YWHAQ: variants seen among roughly 807,000 people sequenced by gnomAD.
YWHAQ encodes the protein tyrosine 3-monooxygenase/tryptophan 5-monooxygenase activation protein theta.
YWHAQ carries 6 observed loss-of-function variants against 28.3 expected under a neutral mutation model. The observed-to-expected ratio is 0.21, with a 90% CI of 0.12 to 0.42. The LOEUF is 0.42. Ranked by LOEUF, YWHAQ falls within the 10% of genes least tolerant of loss-of-function variation. YWHAQ has a pLI of 1.00. For synonymous variants in YWHAQ, 143 were observed against 119.1 expected, an observed-to-expected ratio of 1.20 and a Z score of -1.31; for missense variants, 201 against 305.6, an observed-to-expected ratio of 0.66 and a Z score of 2.55.
chr2:9,591,626 A>C, intron 2 of YWHAQ, 111 bp from the exon 3 acceptor site: 1 of 1,355,378 alleles, frequency 7.4e-7, no homozygotes, highest in Non-Finnish European at 1.0e-6. Flanking sequence ...CTACTACAGT[A>C]ATACTATACC....
intron 4 of YWHAQ, 50 bp from the exon 5 acceptor site, chr2:9,587,559 G>T (rs755687304): frequency 2.0e-6 from 3 of 1,497,592 alleles, no homozygotes; most frequent in Non-Finnish European, 1.8e-6. Flanking sequence ...ACGAAAACTG[G>T]TTATTCTACA....
At chr2:9,589,826 G>GT (rs1326883854) in intron 3 of YWHAQ, among the ~76,000 whole-genome samples, 1 of 152,138 alleles carries the variant, frequency 6.6e-6, no homozygotes, top group Non-Finnish European at 1.5e-5. Flanking sequence ...AAAATGTTCA[G>GT]TATTACCAAC....
chr2:9,598,046 C>T (rs1199049624), intron 2 of YWHAQ, among the ~76,000 whole-genome samples: 1 of 127,852 alleles, frequency 7.8e-6, no homozygotes, highest in Non-Finnish European at 1.6e-5. Context: ...GTTGGTCAGG[C>T]TGGTCTCAAA....
At chr2:9,588,874 G>T (rs975698188) in intron 3 of YWHAQ, among the ~76,000 whole-genome samples, 2 of 152,202 alleles carry the variant, frequency 1.3e-5, no homozygotes, top group African/African-American at 4.8e-5. Context: ...TTGGGAAGGT[G>T]AGGCAGGGGG....
chr2:9,591,398 G>T lies in YWHAQ; in HGVS notation c.412C>A (p.Arg138=). ...YLAEVACGDD[R]KQTIDNSQGA... is the part of the protein sequence containing the mutation. The stretch of plus-strand genomic sequence containing the variant: ...ATATAACAAATAAACTTACGTTTTC[G>T]ATCATCACCACACGCAACTTCAGCA... The change falls in exon 3 of 6, where the codon CGA becomes AGA. Residue 138 remains arginine, a synonymous_variant. Coordinates refer to ENST00000238081, the MANE Select transcript of YWHAQ (RefSeq NM_006826.4). 1 of 1,606,486 alleles carries T rather than the reference G, an allele frequency of 6.2e-7. No individual in the cohort carries two copies. Among genetic ancestry groups the T allele is most frequent in the Non-Finnish European group, 8.5e-7 (1 of 1,174,978 alleles).
intron 4 of YWHAQ, 148 bp downstream of exon 4, chr2:9,588,017 A>C: frequency 9.6e-5 from 85 of 884,456 alleles, no homozygotes; most frequent in Non-Finnish European, 1.3e-4. Flanking sequence ...AGGAGTAGGT[A>C]ATCATGATGG....
intron 2 of YWHAQ, among the ~76,000 whole-genome samples, chr2:9,598,714 A>AT (rs943230339): frequency 1.7e-4 from 26 of 152,324 alleles, no homozygotes; most frequent in African/African-American, 5.8e-4. Flanking sequence ...TAATCGATAT[A>AT]TGCTGTGTCT....
At chr2:9,627,632 C>T (rs1472015080) in intron 2 of YWHAQ, among the ~76,000 whole-genome samples, 1 of 152,114 alleles carries the variant, frequency 6.6e-6, no homozygotes, top group Non-Finnish European at 1.5e-5. Context: ...AAGTTCAAGA[C>T]CAGCCTGGGT....
intron 2 of YWHAQ, among the ~76,000 whole-genome samples, chr2:9,610,673 T>A (rs1461127684): frequency 6.6e-6 from 1 of 152,128 alleles, no homozygotes; most frequent in Non-Finnish European, 1.5e-5. Flanking sequence ...CATGCCCGGC[T>A]AATTTTGTAT....
chr2:9,588,231 A>G lies in YWHAQ; in HGVS notation c.516T>C (p.Leu172=). 2 of 1,602,382 alleles carry G rather than the reference A, an allele frequency of 1.2e-6. No individual in the cohort carries two copies. ...TCTCATAGTAAAATACAGAAAAGTT[A>G]AGAGCAAGCCCCAGGCGGATTGGGT... is the stretch of plus-strand genomic sequence containing the variant. ...PTHPIRLGLA[L]NFSVFYYEIL... is the part of the protein sequence containing the mutation. The change falls in exon 4 of 6, where the codon CTT becomes CTC. Residue 172 remains leucine, a synonymous_variant. Coordinates refer to ENST00000238081, the MANE Select transcript of YWHAQ (RefSeq NM_006826.4).
In YWHAQ at chr2:9,584,855, A is replaced by G. The variant is rs1666312577; in HGVS notation, c.*431T>C. 6.1e-6 allele frequency: 1 copy of G among 164,808 alleles called. No individual in the cohort carries two copies. The highest frequency in any genetic ancestry group is 2.4e-5 in the African/African-American group (1 of 41,572). 10.2% of individuals were successfully genotyped at this position (164,808 alleles called of 1,614,324 possible). On this transcript the variant is annotated 3_prime_UTR_variant, in exon 6 of 6. Coordinates refer to ENST00000238081, the MANE Select transcript of YWHAQ (RefSeq NM_006826.4). The stretch of plus-strand genomic sequence containing the variant: ...GAGCATGGAAAAGTTGCTTACTGAA[A>G]GGAAACCCCCGAAGAGTAAGGGAGG...
intron 2 of YWHAQ, among the ~76,000 whole-genome samples, chr2:9,601,748 C>A (rs551305565): frequency 6.6e-6 from 1 of 152,182 alleles, no homozygotes; most frequent in East Asian, 1.9e-4. Flanking sequence ...CGGGTTCAAG[C>A]GATTCTCCGG....
At chr2:9,595,698 CAAAAAAAAA>C (rs34902007) in intron 2 of YWHAQ, among the ~76,000 whole-genome samples, 1 of 75,448 alleles carries the variant, frequency 1.3e-5, no homozygotes, top group Non-Finnish European at 2.7e-5. Context: ...AATTCCATCT[CAAAAAAAAA>C]AAAAAAAAAA....
chr2:9,623,150 C>T (rs1431204704), intron 2 of YWHAQ, among the ~76,000 whole-genome samples: 2 of 152,160 alleles, frequency 1.3e-5, no homozygotes, highest in East Asian at 3.8e-4. Context: ...TTAAGCAGTC[C>T]TTTGTGAGAA....
intron 2 of YWHAQ, among the ~76,000 whole-genome samples, 166 bp from the exon 3 acceptor site, chr2:9,591,681 T>C (rs1666458694): frequency 6.6e-6 from 1 of 152,216 alleles, no homozygotes. Flanking sequence ...AGGGGTTAGG[T>C]TGTTGCCACT....
intron 2 of YWHAQ, among the ~76,000 whole-genome samples, chr2:9,602,857 A>T (rs1666735268): frequency 7.0e-5 from 1 of 14,232 alleles, no homozygotes. Flanking sequence ...AAAAAAAAAA[A>T]AAAAAATATA....
At chr2:9,618,851 T>A (rs928982149) in intron 2 of YWHAQ, among the ~76,000 whole-genome samples, 1 of 151,970 alleles carries the variant, frequency 6.6e-6, no homozygotes, top group Admixed American at 6.6e-5. Flanking sequence ...CAAACAAAAA[T>A]AACACACTAG....
intron 2 of YWHAQ, among the ~76,000 whole-genome samples, chr2:9,612,964 C>T (rs898670580): frequency 8.5e-5 from 13 of 152,190 alleles, no homozygotes; most frequent in African/African-American, 2.9e-4. Context: ...AAACATGGCT[C>T]GATCATGTCT....
Position 9,584,391 on chromosome 2 carries a change from AAT to A in YWHAQ, c.*893_*894del, listed in dbSNP as rs1272240116. 2.0e-5 allele frequency: 3 copies of A among 152,626 alleles called. No homozygotes were observed. The highest frequency in any genetic ancestry group is 4.4e-5 in the Non-Finnish European group (3 of 68,030). The allele number at this position is 152,626 out of a possible 1,614,324, so 9.5% of individuals were successfully genotyped here. ...CACACAATAGTGGTCCAACTCTCTAAATAACAATCACTAGACAAACTGGACAC... is the reference window on the plus strand; with the variant it reads ...CACACAATAGTGGTCCAACTCTCTAAAACAATCACTAGACAAACTGGACAC... On this transcript the variant is annotated 3_prime_UTR_variant, in exon 6 of 6. Transcript: ENST00000238081.
Sources: gnomAD v4.1 joint callset for allele counts (sites outside exome capture counted in the v4.1 genomes callset) on GRCh38, gnomAD v4.1.1 for gene constraint, MANE v1.5 for transcripts, NCBI Gene and HGNC (gene_info 2026-07-23, HGNC 2026-07-21) for gene names.